The following CFAP44 variants were observed in gnomAD, a reference collection of about 807,000 sequenced individuals.
CFAP44 encodes the protein cilia- and flagella-associated protein 44.
CFAP44 carries 134 observed loss-of-function variants against 216.2 expected under a neutral mutation model. The observed-to-expected ratio is 0.62, with a 90% CI of 0.54 to 0.72. The LOEUF (loss-of-function observed/expected upper bound fraction) is 0.72. CFAP44 is among the 30% of genes least tolerant of loss of function. The probability of loss-of-function intolerance (pLI) is 0.00; values close to 1 mark genes in which losing one functional copy is unlikely to be tolerated. For synonymous variants in CFAP44, 700 were observed against 727.6 expected, an observed-to-expected ratio of 0.96 and a Z score of 0.61; for missense variants, 2,035 against 2,182.1, an observed-to-expected ratio of 0.93 and a Z score of 1.34.
Position 113,348,505 on chromosome 3 carries a change from T to C in CFAP44, c.3066-3793A>G, listed in dbSNP as rs962685336. On this transcript the variant is annotated intron_variant, in intron 22 of 34. Coordinates refer to ENST00000393845, the MANE Select transcript of CFAP44 (RefSeq NM_001164496.2). ...CCTTATCTCCAAGCTTTCTTTTCAT[T>C]GAAGGAGAATACACAGCTATGCAAA... is the stretch of plus-strand genomic sequence containing the variant. 3.9e-5 allele frequency among the ~76,000 whole-genome samples: 6 copies of C among 152,314 alleles called. No homozygotes were observed. The East Asian group carries it at 7.7e-4, about 20-fold the overall frequency.
chr3:113,428,164 A>T (rs1935013285), intron 2 of CFAP44, among the ~76,000 whole-genome samples: 1 of 152,228 alleles, frequency 6.6e-6, no homozygotes, highest in South Asian at 2.1e-4. Flanking sequence ...GCCCTGGAGA[A>T]CTACTCTCTA....
At chr3:113,421,599 G>T (rs1189192766) in intron 4 of CFAP44, among the ~76,000 whole-genome samples, 1 of 152,170 alleles carries the variant, frequency 6.6e-6, no homozygotes, top group African/African-American at 2.4e-5. Flanking sequence ...ATACCCATCA[G>T]TGGTGCACTG....
intron 22 of CFAP44, among the ~76,000 whole-genome samples, chr3:113,358,496 A>G (rs1950511463): frequency 6.6e-6 from 1 of 152,132 alleles, no homozygotes; most frequent in African/African-American, 2.4e-5. Flanking sequence ...CATCAAAACA[A>G]AGTAAATATG....
rs576692190 is a variant in CFAP44, at chr3:113,306,311, C to G, written c.4648G>C (p.Glu1550Gln). 3 of 1,535,800 alleles carry G rather than the reference C, an allele frequency of 2.0e-6. No homozygotes were observed. The highest frequency in any genetic ancestry group is 2.7e-5 in the African/African-American group (2 of 73,014). Reference sequence around the variant, plus strand: ...TTCTCTCGAAGGTGAAGGGCCAGCTCAAAAAGAGCCACATCACAATCTGCC... The same window carrying G: ...TTCTCTCGAAGGTGAAGGGCCAGCTGAAAAAGAGCCACATCACAATCTGCC... The part of the protein sequence containing the change: ...CPTNCDVALF[E>Q]LALHLREKRL... The change falls in exon 30 of 35, where the codon GAG becomes CAG. Residue 1550 changes from glutamate to glutamine, a missense_variant. Coordinates refer to ENST00000393845, the MANE Select transcript of CFAP44 (RefSeq NM_001164496.2).
chr3:113,410,628 A>G (rs549160238), intron 6 of CFAP44, among the ~76,000 whole-genome samples: 5 of 152,298 alleles, frequency 3.3e-5, no homozygotes, highest in Admixed American at 1.3e-4. Flanking sequence ...GTGTCTTTAT[A>G]GTAGCATGAT....
In CFAP44 at chr3:113,333,542, T is replaced by A. The variant is rs1383325856; in HGVS notation, c.3479A>T (p.Asp1160Val). Residue 1160 changes from aspartate (D) to valine (V), a missense_variant, in exon 25 of 35, where the codon GAT (aspartate) becomes GTT (valine). By Grantham distance (152) the Asp-to-Val change is radical. Transcript: ENST00000393845. ...CTGGGCTTCTTTGATGGCTTGAAGA[T>A]CTTTGGGATCTTCATAGTCATCACC... is the stretch of plus-strand genomic sequence containing the variant. ...KPGDDYEDPK[D>V]LQAIKEAQVY... 7 of 1,536,812 alleles carry A rather than the reference T, an allele frequency of 4.6e-6. No homozygotes were observed. Among genetic ancestry groups the A allele is most frequent in the Non-Finnish European group, 6.1e-6 (7 of 1,146,852 alleles).
chr3:113,392,296 T>C (rs1414812184), intron 15 of CFAP44, among the ~76,000 whole-genome samples: 1 of 151,622 alleles, frequency 6.6e-6, no homozygotes, highest in Non-Finnish European at 1.5e-5. Context: ...AAAAGCCAGG[T>C]ACAGAAAGAC....
chr3:113,397,085 GA>G (rs1390644725), intron 13 of CFAP44: 2 of 204,594 alleles, frequency 9.8e-6, no homozygotes, highest in Non-Finnish European at 2.0e-5. Context: ...AAATGAGTGT[GA>G]AATTGTGAAC....
intron 26 of CFAP44, among the ~76,000 whole-genome samples, chr3:113,329,234 G>C (rs1267355748): frequency 6.6e-6 from 1 of 152,156 alleles, no homozygotes; most frequent in Non-Finnish European, 1.5e-5. Flanking sequence ...CTGGAGTTTA[G>C]AAACAAGGAC....
chr3:113,334,781 T>C (rs916755111), intron 24 of CFAP44, among the ~76,000 whole-genome samples: 53 of 152,224 alleles, frequency 3.5e-4, no homozygotes, highest in Middle Eastern at 3.2e-3. Flanking sequence ...CTACAGAAAC[T>C]GAACTCTTGC....
intron 7 of CFAP44, among the ~76,000 whole-genome samples, chr3:113,408,251 A>G (rs1046037954): frequency 6.6e-6 from 1 of 152,190 alleles, no homozygotes. Context: ...AGTGGAAGAA[A>G]GAGAGAGAAA....
chr3:113,322,642 A>C (rs1421186115), intron 28 of CFAP44, among the ~76,000 whole-genome samples: 1 of 152,210 alleles, frequency 6.6e-6, no homozygotes, highest in African/African-American at 2.4e-5. Flanking sequence ...TGGGAATGTA[A>C]ATTAGTTCAG....
At chr3:113,296,644 C>T in intron 33 of CFAP44, 81 bp downstream of exon 33, 1 of 1,469,918 alleles carries the variant, frequency 6.8e-7, no homozygotes, top group South Asian at 1.3e-5. Flanking sequence ...ACAGATGCTT[C>T]ATGGGTACCA....
chr3:113,323,725 A>G (rs1438455448), intron 28 of CFAP44, among the ~76,000 whole-genome samples: 1 of 152,172 alleles, frequency 6.6e-6, no homozygotes, highest in Non-Finnish European at 1.5e-5. Context: ...AAAACCACAA[A>G]CTACCATGAC....
intron 5 of CFAP44, among the ~76,000 whole-genome samples, chr3:113,419,618 T>C (rs1187651211): frequency 2.6e-5 from 4 of 152,180 alleles, no homozygotes; most frequent in African/African-American, 9.7e-5. Context: ...ATCCTATGTG[T>C]GTGTCTCACA....
chr3:113,409,829 C>T (rs756959205), intron 6 of CFAP44, among the ~76,000 whole-genome samples: 12 of 152,308 alleles, frequency 7.9e-5, no homozygotes, highest in Admixed American at 2.6e-4. Context: ...GTGATGAAAG[C>T]GACCTCTGGT....
intron 1 of CFAP44, among the ~76,000 whole-genome samples, chr3:113,435,597 G>A (rs1417149828): frequency 1.3e-5 from 2 of 151,436 alleles, no homozygotes; most frequent in African/African-American, 2.4e-5. Context: ...GGCATAGTGA[G>A]GTATGCCTGT....
intron 32 of CFAP44, among the ~76,000 whole-genome samples, chr3:113,297,802 C>T (rs530025838): frequency 6.6e-5 from 10 of 152,320 alleles, no homozygotes; most frequent in African/African-American, 9.6e-5. Context: ...AGACTGTCCC[C>T]TAAGAGAAGT....
intron 15 of CFAP44, among the ~76,000 whole-genome samples, chr3:113,390,646 G>A (rs1308798472): frequency 1.3e-5 from 2 of 152,106 alleles, no homozygotes; most frequent in African/African-American, 4.8e-5. Flanking sequence ...ATTTGGTAAA[G>A]TTGCAGGATA....
Sources: gnomAD v4.1 joint callset for allele counts (sites outside exome capture counted in the v4.1 genomes callset) on GRCh38, gnomAD v4.1.1 for gene constraint, MANE v1.5 for transcripts, NCBI Gene and HGNC (gene_info 2026-07-23, HGNC 2026-07-21) for gene names.